Variants in CSGALNACT1 observed in about 807,000 individuals in gnomAD.
CSGALNACT1 encodes the protein beta4GalNAcT-1.
In CSGALNACT1, 52 loss-of-function variants were observed where a neutral mutation model predicts 51.0. That is an observed-to-expected ratio of 1.02 (90% CI 0.82 to 1.29). CSGALNACT1 has a LOEUF of 1.29. Ranked by LOEUF, CSGALNACT1 falls within the 50% of genes most tolerant of loss-of-function variation. The pLI, the probability that CSGALNACT1 is intolerant of heterozygous loss-of-function variation, is 0.00. For missense variants in CSGALNACT1, 935 were observed against 679.2 expected, an observed-to-expected ratio of 1.38 and a Z score of -4.19; for synonymous variants, 341 against 254.4, an observed-to-expected ratio of 1.34 and a Z score of -3.24.
At chr8:19,554,303 A>G (rs954325497) in intron 3 of CSGALNACT1, among the ~76,000 whole-genome samples, 1 of 152,176 alleles carries the variant, frequency 6.6e-6, no homozygotes, top group Non-Finnish European at 1.5e-5. Context: ...CTGAAGGAAA[A>G]TAAGTTGGTT....
chr8:19,680,901 T>C (rs1172281230), intron 1 of CSGALNACT1, among the ~76,000 whole-genome samples: 1 of 152,164 alleles, frequency 6.6e-6, no homozygotes, highest in African/African-American at 2.4e-5. Context: ...TTTAGTGCCA[T>C]ATGTCAGGTT....
At chr8:19,505,928 C>T (rs780423893) in exon 4 of CSGALNACT1, 6 of 1,513,036 alleles carry the variant, frequency 4.0e-6, no homozygotes, top group East Asian at 2.3e-5. Flanking sequence ...AGGAAGCATG[C>T]GTTTGGGGCC....
intron 1 of CSGALNACT1, among the ~76,000 whole-genome samples, chr8:19,743,389 T>A (rs1022180605): frequency 3.3e-5 from 5 of 152,194 alleles, no homozygotes; most frequent in African/African-American, 1.2e-4. Context: ...GAAAGTACTA[T>A]GAACATCTCA....
At chr8:19,591,889 T>A (rs938411253) in intron 2 of CSGALNACT1, among the ~76,000 whole-genome samples, 1 of 152,172 alleles carries the variant, frequency 6.6e-6, no homozygotes, top group Non-Finnish European at 1.5e-5. Flanking sequence ...ATAGTATTTT[T>A]AAAAATCTGC....
intron 1 of CSGALNACT1, among the ~76,000 whole-genome samples, chr8:19,708,459 G>T (rs1433742772): frequency 1.3e-5 from 2 of 152,184 alleles, no homozygotes; most frequent in East Asian, 3.9e-4. Context: ...ATTCACAGCG[G>T]CACACTGTGG....
intron 1 of CSGALNACT1, among the ~76,000 whole-genome samples, chr8:19,744,410 T>C (rs2154251093): frequency 6.6e-6 from 1 of 152,338 alleles, no homozygotes; most frequent in Non-Finnish European, 1.5e-5. Flanking sequence ...TTAACCACTT[T>C]TGCTGATGTC....
intron 4 of CSGALNACT1, among the ~76,000 whole-genome samples, chr8:19,469,589 C>G (rs141944911): frequency 6.6e-6 from 1 of 152,034 alleles, no homozygotes; most frequent in Non-Finnish European, 1.5e-5. Context: ...CAAGTTTATT[C>G]CCACTTCAGA....
intron 3 of CSGALNACT1, among the ~76,000 whole-genome samples, chr8:19,533,811 C>T (rs2083239770): frequency 6.6e-6 from 1 of 151,986 alleles, no homozygotes; most frequent in Non-Finnish European, 1.5e-5. Flanking sequence ...TTCTTTTTCT[C>T]CAAAACATAT....
At chr8:19,500,011 T>C (rs762428827) in intron 4 of CSGALNACT1, among the ~76,000 whole-genome samples, 19 of 152,182 alleles carry the variant, frequency 1.2e-4, no homozygotes, top group Non-Finnish European at 1.9e-4. Context: ...GTCTCTTATC[T>C]CAAATTTTGG....
chr8:19,635,246 CT>C (rs1224955884), intron 1 of CSGALNACT1, among the ~76,000 whole-genome samples: 2 of 152,184 alleles, frequency 1.3e-5, no homozygotes, highest in Non-Finnish European at 2.9e-5. Context: ...CTCTGGGCAC[CT>C]GTCTGAACTC....
intron 1 of CSGALNACT1, among the ~76,000 whole-genome samples, chr8:19,703,043 T>G (rs897443070): frequency 6.6e-6 from 1 of 152,180 alleles, no homozygotes; most frequent in Non-Finnish European, 1.5e-5. Context: ...AAGGGAAACC[T>G]GTAACCCTAT....
chr8:19,651,178 T>G (rs1324025033), intron 1 of CSGALNACT1, among the ~76,000 whole-genome samples: 1 of 152,218 alleles, frequency 6.6e-6, no homozygotes, highest in East Asian at 1.9e-4. Flanking sequence ...AATAAAACTT[T>G]ACAAAATTCT....
At chr8:19,546,878 G>A (rs2086601898) in intron 3 of CSGALNACT1, among the ~76,000 whole-genome samples, 1 of 152,168 alleles carries the variant, frequency 6.6e-6, no homozygotes, top group Non-Finnish European at 1.5e-5. Flanking sequence ...TGTCACATAA[G>A]GTTCAGGGTG....
intron 3 of CSGALNACT1, among the ~76,000 whole-genome samples, chr8:19,580,391 C>G (rs1190759784): frequency 1.3e-5 from 2 of 152,178 alleles, no homozygotes; most frequent in African/African-American, 4.8e-5. Context: ...CATTTAGGGC[C>G]TAGTATGGAC....
At chr8:19,616,697 T>G (rs1475858066) in intron 1 of CSGALNACT1, among the ~76,000 whole-genome samples, 2 of 152,100 alleles carry the variant, frequency 1.3e-5, no homozygotes, top group African/African-American at 4.8e-5. Context: ...TCTCTCTCTC[T>G]CGCTTCTACT....
intron 6 of CSGALNACT1, among the ~76,000 whole-genome samples, chr8:19,434,901 C>A (rs1193008800): frequency 6.6e-6 from 1 of 151,880 alleles, no homozygotes; most frequent in African/African-American, 2.4e-5. Flanking sequence ...AACAAAAAGC[C>A]TGGAACAAAC....
chr8:19,662,682 G>C (rs1414472617), intron 1 of CSGALNACT1, among the ~76,000 whole-genome samples: 2 of 152,184 alleles, frequency 1.3e-5, no homozygotes, highest in Non-Finnish European at 2.9e-5. Flanking sequence ...GCTAGGGTGT[G>C]TGTGGTAAAC....
intron 1 of CSGALNACT1, among the ~76,000 whole-genome samples, chr8:19,677,751 G>A (rs952239288): frequency 2.0e-5 from 3 of 152,196 alleles, no homozygotes; most frequent in Non-Finnish European, 4.4e-5. Context: ...AGATGTTGAA[G>A]GTTGAGGAGA....
chr8:19,544,683 T>C (rs553973990), intron 3 of CSGALNACT1, among the ~76,000 whole-genome samples: 5 of 152,220 alleles, frequency 3.3e-5, no homozygotes, highest in African/African-American at 9.6e-5. Context: ...CCCATACCTA[T>C]GCTGAGCTTA....
Sources: gnomAD v4.1 joint callset for allele counts (sites outside exome capture counted in the v4.1 genomes callset) on GRCh38, gnomAD v4.1.1 for gene constraint, MANE v1.5 for transcripts, NCBI Gene and HGNC (gene_info 2026-07-23, HGNC 2026-07-21) for gene names.